ADNP: variants seen among roughly 807,000 people sequenced by gnomAD.
ADNP encodes activity dependent neuroprotector homeobox, also known as activity-dependent neuroprotector homeobox protein.
Under a neutral mutation model 84.9 loss-of-function variants are expected in ADNP, and 4 were observed. The ratio of observed to expected loss-of-function variants is 0.05; its 90% CI spans 0.02 to 0.11. The LOEUF is 0.11. Among genes scored for constraint, ADNP ranks in the 10% least tolerant of loss-of-function variants. ADNP has a pLI of 1.00. For synonymous variants in ADNP, 554 were observed against 468.1 expected (o/e 1.18, Z -2.37); for missense variants, 1,132 against 1,326.0 (o/e 0.85, Z 2.27).
intron 2 of ADNP, among the ~76,000 whole-genome samples, chr20:50,916,448 C>T (rs1245276176): frequency 6.6e-6 from 1 of 152,156 alleles, no homozygotes; most frequent in African/African-American, 2.4e-5. Flanking sequence ...AACTTTAAGA[C>T]ACGCCCCTCT....
At chr20:50,897,881 T>C (rs1208168078) in intron 5 of ADNP, among the ~76,000 whole-genome samples, 7 of 152,206 alleles carry the variant, frequency 4.6e-5, no homozygotes. Flanking sequence ...GGAGGGCATC[T>C]TGAAAGAGGA....
Position 50,891,651 on chromosome 20 carries a change from ACCTTGCATGGT to A in ADNP, c.3052_3062del (p.Thr1018Ter). 1 of 1,614,118 alleles carries A rather than the reference ACCTTGCATGGT, an allele frequency of 6.2e-7. No homozygotes were observed. Among genetic ancestry groups the A allele is most frequent in the Non-Finnish European group, 8.5e-7 (1 of 1,180,018 alleles). Reference sequence around the variant, plus strand: ...TCTTCCATTTCAACTGCTCTCTGTCACCTTGCATGGTAGCCTTTTTTTTGGCAGCTGGCTTA... The same window carrying A: ...TCTTCCATTTCAACTGCTCTCTGTCAAGCCTTTTTTTTGGCAGCTGGCTTA... On this transcript the variant is annotated frameshift_variant, in exon 6 of 6. Transcript: ENST00000621696. LOFTEE classifies it high-confidence loss of function.
chr20:50,930,661 C>CG (rs1191001450), intron 1 of ADNP, among the ~76,000 whole-genome samples, 165 bp downstream of exon 1: 1 of 151,978 alleles, frequency 6.6e-6, no homozygotes, highest in Non-Finnish European at 1.5e-5. Flanking sequence ...GGGGACCCGT[C>CG]GGCGCCGGGG....
chr20:50,923,046 T>C (rs1984060235), intron 2 of ADNP, among the ~76,000 whole-genome samples: 2 of 152,034 alleles, frequency 1.3e-5, no homozygotes, highest in Admixed American at 1.3e-4. Context: ...CAGGAGAAGA[T>C]CAGAGATTAT....
Position 50,893,426 on chromosome 20 carries a change from C to T in ADNP, c.1288G>A (p.Ala430Thr). The change falls in exon 6 of 6, where the codon GCA (alanine) becomes ACA (threonine). Residue 430 changes from alanine to threonine, a missense_variant. Ala to Thr is a moderately conservative substitution (Grantham distance 58). Around this residue, in one of 10 missense-constraint regions of ADNP, gnomAD observed 239 missense variants for 213.2 expected, o/e 1.12. Coordinates refer to ENST00000621696, the MANE Select transcript of ADNP (RefSeq NM_001282531.3). The surrounding 1 kb of genome is among the most constrained non-coding windows in gnomAD (Gnocchi z 4.4). ...VLGQSSSKPA[A>T]AATGPPPGNT... ...CCTGGGGGAGGGCCTGTGGCAGCTGCAGCAGGTTTGGAACTGGACTGACCT... is the reference window on the plus strand; with the variant it reads ...CCTGGGGGAGGGCCTGTGGCAGCTGTAGCAGGTTTGGAACTGGACTGACCT... The T allele has an allele frequency of 6.2e-7, 1 of 1,614,156 alleles. No homozygotes were observed. The highest frequency in any genetic ancestry group is 8.5e-7 in the Non-Finnish European group (1 of 1,180,032).
intron 1 of ADNP, among the ~76,000 whole-genome samples, chr20:50,930,448 G>T (rs1568751885): frequency 1.7e-5 from 2 of 115,932 alleles, no homozygotes; most frequent in Non-Finnish European, 3.6e-5. Flanking sequence ...GGCTCCTTTT[G>T]GGGGTGGGGG....
intron 2 of ADNP, among the ~76,000 whole-genome samples, chr20:50,911,250 G>C (rs1157535562): frequency 6.6e-6 from 1 of 152,176 alleles, no homozygotes; most frequent in Non-Finnish European, 1.5e-5. Context: ...TTTGTTGCTT[G>C]TGCTTTTGAG....
rs879516385 is a variant in ADNP, at chr20:50,931,399, T to A, written c.-838A>T. On this transcript the variant is annotated 5_prime_UTR_variant, in exon 1 of 6. Coordinates refer to ENST00000621696, the MANE Select transcript of ADNP (RefSeq NM_001282531.3). ...GACAATACAAGCGCCTCGGACCGAGTCCCCGAACCTGCCCTAGCCAAAATG... is the reference window on the plus strand; with the variant it reads ...GACAATACAAGCGCCTCGGACCGAGACCCCGAACCTGCCCTAGCCAAAATG... 2.6e-5 allele frequency: 4 copies of A among 151,332 alleles called. No individual in the cohort carries two copies. The highest frequency in any genetic ancestry group is 5.9e-5 in the Non-Finnish European group (4 of 68,082). The allele number at this position is 151,332 out of a possible 1,614,324, so 9.4% of individuals were successfully genotyped here. A position where few individuals can be genotyped will look rare whatever the true frequency, so the allele number is the denominator to read the frequency against.
intron 2 of ADNP, among the ~76,000 whole-genome samples, chr20:50,912,716 A>G (rs987971817): frequency 1.3e-5 from 2 of 152,230 alleles, no homozygotes; most frequent in African/African-American, 4.8e-5. Flanking sequence ...GAATTCTGAT[A>G]GTTTACTGAA....
At chr20:50,895,085 A>G (rs866312806) in intron 5 of ADNP, among the ~76,000 whole-genome samples, 1 of 152,268 alleles carries the variant, frequency 6.6e-6, no homozygotes, top group South Asian at 2.1e-4. Context: ...TGACTTGAAG[A>G]TAAACATTTT....
Position 50,892,319 on chromosome 20 carries a change from CA to C in ADNP, c.2394del (p.Ser798ArgfsTer31), listed in dbSNP as rs779603706. On this transcript the variant is annotated frameshift_variant, in exon 6 of 6. Transcript: ENST00000621696. LOFTEE classifies it high-confidence loss of function. ...TTGTTACTAAAATGGGAAGCGATGT[CA>C]CTCTTCCATAACCATAAACTGGCTG... is the stretch of plus-strand genomic sequence containing the variant. ...KLAASLWLWK[S>X]DIASHFSNKR... The C allele has an allele frequency of 6.2e-7, 1 of 1,614,188 alleles. No homozygotes were observed. The highest frequency in any genetic ancestry group is 8.5e-7 in the Non-Finnish European group (1 of 1,180,048).
At chr20:50,908,565 G>C (rs1386957404) in intron 2 of ADNP, among the ~76,000 whole-genome samples, 2 of 151,838 alleles carry the variant, frequency 1.3e-5, no homozygotes, top group African/African-American at 4.8e-5. Context: ...ACGAGGTCAG[G>C]AGATCGAGAC....
chr20:50,912,040 A>C (rs1415613298), intron 2 of ADNP, among the ~76,000 whole-genome samples: 1 of 152,162 alleles, frequency 6.6e-6, no homozygotes, highest in Non-Finnish European at 1.5e-5. Flanking sequence ...GTGAATGCAA[A>C]ACTTTCATTT....
At chr20:50,914,965 T>A (rs966654650) in intron 2 of ADNP, among the ~76,000 whole-genome samples, 6 of 148,822 alleles carry the variant, frequency 4.0e-5, no homozygotes, top group African/African-American at 1.3e-4. Context: ...CAACTTCCCA[T>A]GTACACGTGT....
intron 5 of ADNP, among the ~76,000 whole-genome samples, chr20:50,897,579 A>G (rs1981537425): frequency 1.3e-5 from 2 of 152,208 alleles, no homozygotes; most frequent in African/African-American, 2.4e-5. Context: ...CATCAACCCA[A>G]GCCCAAGCAA....
At chr20:50,912,054 C>T (rs1425050246) in intron 2 of ADNP, among the ~76,000 whole-genome samples, 2 of 152,182 alleles carry the variant, frequency 1.3e-5, no homozygotes, top group Non-Finnish European at 2.9e-5. Flanking sequence ...TTCATTTCCA[C>T]TAAGAAAAGC....
Position 50,890,259 on chromosome 20 carries a change from G to A in ADNP, c.*1146C>T. On this transcript the variant is annotated 3_prime_UTR_variant, in exon 6 of 6. Coordinates refer to ENST00000621696, the MANE Select transcript of ADNP (RefSeq NM_001282531.3). ...ACAAGTTTCCTCTGTGACTGTGGCT[G>A]CCATCTCTGATGAAAGAGTTATGGC... 5.2e-6 allele frequency: 1 copy of A among 190,834 alleles called. No homozygotes were observed. The allele number at this position is 190,834 out of a possible 1,614,324, so 11.8% of individuals were successfully genotyped here.
chr20:50,930,046 G>A (rs1984570026), intron 1 of ADNP, among the ~76,000 whole-genome samples: 1 of 152,002 alleles, frequency 6.6e-6, no homozygotes, highest in Non-Finnish European at 1.5e-5. Context: ...AGGTTGGGGG[G>A]GAGGGGAAGG....
intron 5 of ADNP, among the ~76,000 whole-genome samples, chr20:50,899,731 T>C (rs1168139044): frequency 1.3e-5 from 2 of 151,192 alleles, no homozygotes; most frequent in Admixed American, 6.6e-5. Flanking sequence ...ATCTTGACCC[T>C]GTGTAGGCCT....
Sources: allele counts gnomAD v4.1 joint callset (sites outside exome capture counted in the v4.1 genomes callset), GRCh38; gene constraint gnomAD v4.1.1; regional missense constraint gnomAD v4.1.1; non-coding constraint Gnocchi (gnomAD v3.1); transcripts MANE v1.5; gene names NCBI Gene and HGNC (gene_info 2026-07-23, HGNC 2026-07-21).